Variants in DLGAP2 observed in about 807,000 individuals in gnomAD.
DLGAP2 encodes DLG associated protein 2, also known as disks large-associated protein 2.
In DLGAP2, 26 loss-of-function variants were observed where a neutral mutation model predicts 100.3. The observed-to-expected ratio is 0.26, with a 90% CI of 0.19 to 0.36. The LOEUF (loss-of-function observed/expected upper bound fraction) is 0.36, where lower values mean the gene tolerates loss of function less well. Among genes scored for constraint, DLGAP2 ranks in the 10% least tolerant of loss-of-function variants. DLGAP2 has a pLI of 1.00. For missense variants in DLGAP2, 1,858 were observed against 1,453.2 expected, an observed-to-expected ratio of 1.28 and a Z score of -4.53; for synonymous variants, 886 against 630.1, an observed-to-expected ratio of 1.41 and a Z score of -6.08.
chr8:1,451,704 C>T (rs551995392), intron 3 of DLGAP2, among the ~76,000 whole-genome samples: 1 of 152,174 alleles, frequency 6.6e-6, no homozygotes, highest in Non-Finnish European at 1.5e-5. Context: ...CACACAGCCT[C>T]ATGCTGCCTC....
chr8:1,510,478 A>T (rs1800121606), intron 4 of DLGAP2, among the ~76,000 whole-genome samples: 1 of 152,204 alleles, frequency 6.6e-6, no homozygotes, highest in African/African-American at 2.4e-5. Flanking sequence ...CAAGGATGGG[A>T]AGGTCCAGTT....
intron 3 of DLGAP2, among the ~76,000 whole-genome samples, chr8:1,500,073 T>C (rs1799665581): frequency 6.6e-6 from 1 of 152,096 alleles, no homozygotes; most frequent in Non-Finnish European, 1.5e-5. Context: ...ATGCCTAGAG[T>C]CTGAACATGC....
rs1460024422 is a variant in DLGAP2 at position 895,786 on chromosome 8, C to A, written c.19-12126C>A. Among the ~76,000 whole-genome samples the A allele has an allele frequency of 2.6e-5, 4 of 151,290 alleles. No individual in the cohort carries two copies. In the East Asian group the frequency reaches 7.8e-4, roughly 29 times the overall value. On this transcript the variant is annotated intron_variant, in intron 1 of 14. Coordinates refer to ENST00000637795, the MANE Select transcript of DLGAP2 (RefSeq NM_001346810.2). ...TGGGGCAGTGGTGAGAGGTGTCAAT[C>A]CCCAGGGTTTGTTGGATGGGGATGA...
intron 2 of DLGAP2, among the ~76,000 whole-genome samples, chr8:1,181,822 A>G (rs760257127): frequency 2.6e-5 from 4 of 152,178 alleles, no homozygotes; most frequent in African/African-American, 4.8e-5. Flanking sequence ...GCAGAAGGCT[A>G]TGAGTGACAG....
intron 1 of DLGAP2, among the ~76,000 whole-genome samples, chr8:883,712 G>A (rs895413211): frequency 1.3e-5 from 2 of 151,952 alleles, no homozygotes; most frequent in East Asian, 1.9e-4. Context: ...CGTGTGCCGC[G>A]GCCGTTCGTT....
intron 10 of DLGAP2, among the ~76,000 whole-genome samples, chr8:1,671,188 C>G (rs1563053920): frequency 2.0e-5 from 3 of 152,356 alleles, no homozygotes; most frequent in Admixed American, 6.5e-5. Flanking sequence ...CCACCCCTCT[C>G]TGCTCTGCTT....
chr8:1,323,758 A>G (rs537326438), intron 3 of DLGAP2, among the ~76,000 whole-genome samples: 1 of 152,270 alleles, frequency 6.6e-6, no homozygotes, highest in African/African-American at 2.4e-5. Context: ...TGCCTGTGCC[A>G]CCCAGGACAC....
intron 8 of DLGAP2, among the ~76,000 whole-genome samples, chr8:1,653,572 C>T (rs533941278): frequency 1.1e-4 from 16 of 152,330 alleles, no homozygotes; most frequent in East Asian, 7.7e-4. Context: ...GCAGGACCAA[C>T]GGCAGCCCTC....
chr8:1,284,084 A>G (rs1799874490), intron 3 of DLGAP2, among the ~76,000 whole-genome samples: 1 of 152,204 alleles, frequency 6.6e-6, no homozygotes, highest in South Asian at 2.1e-4. Context: ...TTTCAAAATT[A>G]CTATTGCCCT....
chr8:1,648,190 G>T lies in DLGAP2; in HGVS notation c.1810+15144G>T, dbSNP rs77251102. Among the ~76,000 whole-genome samples the T allele has an allele frequency of 2.0e-3, 311 of 152,246 alleles. 11 individuals are homozygous for T. The East Asian group carries it at 0.051, about 25-fold the overall frequency. On this transcript the variant is annotated intron_variant, in intron 8 of 14. Coordinates refer to ENST00000637795, the MANE Select transcript of DLGAP2 (RefSeq NM_001346810.2). ...TTAATTCCTTTTCTATTGAGAGTTT[G>T]TCCTAACTTAGAGGACTCTGACGTT... is the stretch of plus-strand genomic sequence containing the variant.
intron 2 of DLGAP2, among the ~76,000 whole-genome samples, chr8:957,603 G>C (rs2701916): frequency 1.3e-5 from 2 of 151,922 alleles, no homozygotes; most frequent in Non-Finnish European, 2.9e-5. Flanking sequence ...AGAGGGATAC[G>C]TTGTTGCAAT....
At chr8:794,283 G>A (rs997957426) in intron 1 of DLGAP2, among the ~76,000 whole-genome samples, 18 of 152,006 alleles carry the variant, frequency 1.2e-4, no homozygotes, top group Admixed American at 3.3e-4. Context: ...AGACCAGCTC[G>A]GTCGGGGAGA....
chr8:1,461,001 C>A (rs1291104548), intron 3 of DLGAP2, among the ~76,000 whole-genome samples: 1 of 152,194 alleles, frequency 6.6e-6, no homozygotes, highest in Non-Finnish European at 1.5e-5. Context: ...CTCCATAAAC[C>A]AAAATCAGCA....
chr8:1,060,458 G>A (rs1037041972), intron 2 of DLGAP2, among the ~76,000 whole-genome samples: 4 of 149,878 alleles, frequency 2.7e-5, no homozygotes, highest in South Asian at 4.2e-4. Flanking sequence ...CCATGGAAGC[G>A]CGTCACCGAC....
chr8:1,544,524 T>A (rs908096616), intron 4 of DLGAP2, among the ~76,000 whole-genome samples: 1 of 152,208 alleles, frequency 6.6e-6, no homozygotes, highest in Non-Finnish European at 1.5e-5. Flanking sequence ...GTTTTTATCA[T>A]GAAATAGTGT....
chr8:812,121 A>G (rs986018558), intron 1 of DLGAP2, among the ~76,000 whole-genome samples: 3 of 152,132 alleles, frequency 2.0e-5, no homozygotes, highest in African/African-American at 4.8e-5. Context: ...GGAGAGAGAG[A>G]TTTAATGCGA....
chr8:1,585,383 G>A, intron 6 of DLGAP2, among the ~76,000 whole-genome samples: 1 of 152,102 alleles, frequency 6.6e-6, no homozygotes. Context: ...AGAATTGCGT[G>A]AATCTGGGAG....
intron 2 of DLGAP2, among the ~76,000 whole-genome samples, chr8:1,236,498 G>T (rs1461723857): frequency 3.6e-5 from 1 of 27,920 alleles, no homozygotes. Context: ...CTCTCACACA[G>T]AGCATCATGT....
intron 2 of DLGAP2, among the ~76,000 whole-genome samples, chr8:1,254,682 C>T (rs988450712): frequency 4.7e-5 from 7 of 150,114 alleles, no homozygotes; most frequent in African/African-American, 1.8e-4. Flanking sequence ...GTGTCTTTCC[C>T]AGGAACCTCC....
Sources: gnomAD v4.1 joint callset for allele counts (sites outside exome capture counted in the v4.1 genomes callset) on GRCh38, gnomAD v4.1.1 for gene constraint, MANE v1.5 for transcripts, NCBI Gene and HGNC (gene_info 2026-07-23, HGNC 2026-07-21) for gene names.